Variants in SLC26A4 observed in about 807,000 individuals in gnomAD.
The protein encoded by SLC26A4 is solute carrier family 26 member 4.
Under a neutral mutation model 90.4 loss-of-function variants are expected in SLC26A4, and 93 were observed. The observed-to-expected ratio is 1.03, with a 90% CI of 0.87 to 1.22. The LOEUF is 1.22. Among genes scored for constraint, SLC26A4 ranks in the 50% most tolerant of loss-of-function variants. SLC26A4 has a pLI of 0.00. For synonymous variants in SLC26A4, 393 were observed against 354.6 expected, an observed-to-expected ratio of 1.11 and a Z score of -1.22; for missense variants, 1,127 against 946.2, an observed-to-expected ratio of 1.19 and a Z score of -2.51.
chr7:107,710,377 A>G (rs1792149443), intron 19 of SLC26A4, among the ~76,000 whole-genome samples, 178 bp downstream of exon 19: 1 of 152,224 alleles, frequency 6.6e-6, no homozygotes, highest in Non-Finnish European at 1.5e-5. Flanking sequence ...TGCTAGGTAG[A>G]TATGAAGACT....
intron 20 of SLC26A4, among the ~76,000 whole-genome samples, chr7:107,714,048 A>G (rs1185014065): frequency 2.6e-5 from 4 of 151,532 alleles, no homozygotes; most frequent in Non-Finnish European, 5.9e-5. Context: ...CTTCCCAAGT[A>G]GTTGGGATTA....
intron 3 of SLC26A4, among the ~76,000 whole-genome samples, chr7:107,670,873 T>G (rs756852257): frequency 3.3e-5 from 5 of 152,182 alleles, no homozygotes; most frequent in African/African-American, 4.8e-5. Flanking sequence ...CTAACCCTCA[T>G]GTAAACTAGA....
At chr7:107,697,899 T>C (rs1399287560) in intron 13 of SLC26A4, 143 bp from the exon 14 acceptor site, 4 of 683,094 alleles carry the variant, frequency 5.9e-6, no homozygotes, top group South Asian at 1.6e-5. Flanking sequence ...ATTTCAGAGT[T>C]AGCTACAGGA....
chr7:107,697,301 T>C (rs769985786), intron 13 of SLC26A4, among the ~76,000 whole-genome samples: 1 of 152,214 alleles, frequency 6.6e-6, no homozygotes, highest in East Asian at 1.9e-4. Context: ...GGTGGCACAT[T>C]TTAGCTGCTA....
At chr7:107,709,898 AG>A (rs1289838102) in intron 18 of SLC26A4, among the ~76,000 whole-genome samples, 155 bp from the exon 19 acceptor site, 1 of 152,068 alleles carries the variant, frequency 6.6e-6, no homozygotes, top group Non-Finnish European at 1.5e-5. Flanking sequence ...TGGGAGGGTG[AG>A]GTGGGGGGAT....
In SLC26A4 at chr7:107,696,040, G is replaced by A. The variant is rs876657722; in HGVS notation, c.1544+1G>A. 2 of 1,535,878 alleles carry A rather than the reference G, an allele frequency of 1.3e-6. No individual in the cohort carries two copies. The highest frequency in any genetic ancestry group is 1.8e-6 in the Non-Finnish European group (2 of 1,108,934). ...TGACTGTGGTCCTGAGAGTTCAGTTGTGAGTAACGTAAAACCCAGATTTCC... is the reference window on the plus strand; with the variant it reads ...TGACTGTGGTCCTGAGAGTTCAGTTATGAGTAACGTAAAACCCAGATTTCC... On this transcript the variant is annotated splice_donor_variant, in intron 13 of 20. Transcript: ENST00000644269. LOFTEE classifies it high-confidence loss of function.
At chr7:107,697,479 C>T (rs192621725) in intron 13 of SLC26A4, among the ~76,000 whole-genome samples, 3 of 152,222 alleles carry the variant, frequency 2.0e-5, no homozygotes, top group African/African-American at 4.8e-5. Flanking sequence ...TGAAGAGTCA[C>T]GGAATTTATC....
At chr7:107,691,884 A>G (rs1312374251) in intron 10 of SLC26A4, 3 of 1,256,336 alleles carry the variant, frequency 2.4e-6, no homozygotes, top group Admixed American at 2.4e-5. Flanking sequence ...GTCAGAGCCA[A>G]TTTCCAAAGC....
intron 18 of SLC26A4, among the ~76,000 whole-genome samples, chr7:107,709,119 C>A (rs568891943): frequency 1.3e-5 from 2 of 152,108 alleles, no homozygotes; most frequent in Non-Finnish European, 2.9e-5. Context: ...TGAAGTCCAG[C>A]GTAGATCCCT....
chr7:107,711,129 T>A (rs1276081577), intron 19 of SLC26A4, among the ~76,000 whole-genome samples: 1 of 150,840 alleles, frequency 6.6e-6, no homozygotes, highest in Non-Finnish European at 1.5e-5. Flanking sequence ...ACTACCAAGC[T>A]GTGGATCTTA....
intron 8 of SLC26A4, among the ~76,000 whole-genome samples, chr7:107,688,091 C>T (rs1228526186): frequency 6.6e-6 from 1 of 152,114 alleles, no homozygotes; most frequent in Non-Finnish European, 1.5e-5. Context: ...CACTAACTGA[C>T]ATCAAGCAAA....
In SLC26A4 at chr7:107,710,169, T is replaced by G. The variant is rs1387758666; in HGVS notation, c.2205T>G (p.Ser735=). The G allele has an allele frequency of 6.2e-7, 1 of 1,607,442 alleles. No individual in the cohort carries two copies. Among genetic ancestry groups the G allele is most frequent in the East Asian group, 2.2e-5 (1 of 44,840 alleles). The change falls in exon 19 of 21, where the codon TCT becomes TCG. Residue 735 remains serine (S), a synonymous_variant. Coordinates refer to ENST00000644269, the MANE Select transcript of SLC26A4 (RefSeq NM_000441.2). ...AILYLQNQVK[S]QEGQGSILET... is the part of the protein sequence containing the mutation. ...TCTATCTACAGAACCAAGTGAAATC[T>G]CAAGAGGGTCAAGGTTCCATTTTAG... is the stretch of plus-strand genomic sequence containing the variant.
At chr7:107,714,250 C>G (rs1021050980) in intron 20 of SLC26A4, among the ~76,000 whole-genome samples, 12 of 151,994 alleles carry the variant, frequency 7.9e-5, no homozygotes, top group African/African-American at 2.9e-4. Context: ...ATCTAACATC[C>G]AGGATATTGT....
chr7:107,693,175 G>A (rs1460535662), intron 10 of SLC26A4: 1 of 382,078 alleles, frequency 2.6e-6, no homozygotes, highest in Non-Finnish European at 3.6e-6. Flanking sequence ...ATGAAGGAAA[G>A]CGAAGAGAAG....
At chr7:107,666,479 C>A (rs945814440) in intron 3 of SLC26A4, among the ~76,000 whole-genome samples, 1 of 152,160 alleles carries the variant, frequency 6.6e-6, no homozygotes, top group South Asian at 2.1e-4. Flanking sequence ...GCCTCGGCCT[C>A]CCAAAGTGCT....
Position 107,712,677 on chromosome 7 carries a change from G to C in SLC26A4, c.2319+55G>C, listed in dbSNP as rs1280885365. 5.3e-6 allele frequency: 5 copies of C among 935,068 alleles called. No individual in the cohort carries two copies. In the Admixed American group the frequency reaches 8.5e-5, roughly 16 times the overall value. 57.9% of individuals were successfully genotyped at this position (935,068 alleles called of 1,614,324 possible). On this transcript the variant is annotated intron_variant, in intron 20 of 20. Coordinates refer to ENST00000644269, the MANE Select transcript of SLC26A4 (RefSeq NM_000441.2). ...TTGAATTACATTTTGAATAATTAGA[G>C]TAATACAAATAGTGAATATATCTGA...
intron 8 of SLC26A4, among the ~76,000 whole-genome samples, chr7:107,687,063 G>T (rs1791441656): frequency 6.6e-6 from 1 of 152,154 alleles, no homozygotes; most frequent in African/African-American, 2.4e-5. Flanking sequence ...ATTCTGTTTG[G>T]TATTCTGTTT....
At chr7:107,677,244 C>T (rs1464984787) in intron 6 of SLC26A4, among the ~76,000 whole-genome samples, 1 of 152,098 alleles carries the variant, frequency 6.6e-6, no homozygotes, top group Non-Finnish European at 1.5e-5. Flanking sequence ...GGACTTTGAA[C>T]TTCAACAGAC....
chr7:107,712,155 T>G (rs1344097930), intron 19 of SLC26A4, among the ~76,000 whole-genome samples: 2 of 152,214 alleles, frequency 1.3e-5, no homozygotes, highest in Non-Finnish European at 2.9e-5. Context: ...TTGTCATCAG[T>G]GACAAGCTCT....
Sources: gnomAD v4.1 joint callset for allele counts (sites outside exome capture counted in the v4.1 genomes callset) on GRCh38, gnomAD v4.1.1 for gene constraint, MANE v1.5 for transcripts, NCBI Gene and HGNC (gene_info 2026-07-23, HGNC 2026-07-21) for gene names.